CERS1: variants seen among roughly 807,000 people sequenced by gnomAD.
The protein encoded by CERS1 is ceramide synthase 1, also known as Embryonic growth/differentiation factor 1.
In CERS1, 16 loss-of-function variants were observed where a neutral mutation model predicts 35.7. That is an observed-to-expected ratio of 0.45 (90% CI 0.30 to 0.68). The LOEUF (loss-of-function observed/expected upper bound fraction) is 0.68, where lower values mean the gene tolerates loss of function less well. Among genes scored for constraint, CERS1 ranks in the 30% least tolerant of loss-of-function variants. The probability of loss-of-function intolerance (pLI) is 0.08; values close to 1 mark genes in which losing one functional copy is unlikely to be tolerated. For synonymous variants in CERS1, 243 were observed against 201.6 expected, an observed-to-expected ratio of 1.21 and a Z score of -1.74; for missense variants, 454 against 453.9, an observed-to-expected ratio of 1.00 and a Z score of 0.00.
Position 18,869,139 on chromosome 19 carries a change from G to T in CERS1, c.*846C>A. On this transcript the variant is annotated 3_prime_UTR_variant, in exon 8 of 8. Transcript: ENST00000623882. ...GCGCCCAGCAGCTCCGCGCGCACTGGCGGCCCCAGGGCGGGCACCAACTGG... is the reference window on the plus strand; with the variant it reads ...GCGCCCAGCAGCTCCGCGCGCACTGTCGGCCCCAGGGCGGGCACCAACTGG... The T allele has an allele frequency of 9.0e-7, 1 of 1,108,520 alleles. No individual in the cohort carries two copies. Among genetic ancestry groups the T allele is most frequent in the South Asian group, 3.3e-5 (1 of 30,686 alleles). The allele number at this position is 1,108,520 out of a possible 1,614,324, so 68.7% of individuals were successfully genotyped here. A position where few individuals can be genotyped will look rare whatever the true frequency, so the allele number is the denominator to read the frequency against.
chr19:18,880,090 A>C, intron 4 of CERS1, among the ~76,000 whole-genome samples, 184 bp downstream of exon 4: 3 of 136,810 alleles, frequency 2.2e-5, no homozygotes, highest in Non-Finnish European at 3.1e-5. Context: ...CCCTTGTCCT[A>C]CTCCTTTCCT....
chr19:18,894,694 C>T (rs747030345), intron 1 of CERS1, among the ~76,000 whole-genome samples: 1 of 152,128 alleles, frequency 6.6e-6, no homozygotes, highest in Non-Finnish European at 1.5e-5. Flanking sequence ...CCCTGGACAG[C>T]CCTGTCTCCC....
intron 6 of CERS1, among the ~76,000 whole-genome samples, chr19:18,874,786 G>A (rs541613802): frequency 2.6e-5 from 4 of 152,214 alleles, no homozygotes; most frequent in African/African-American, 9.7e-5. Flanking sequence ...CAGATGAGGG[G>A]ACCCTGGAGG....
Position 18,880,416 on chromosome 19 carries a change from G to C in CERS1, c.610C>G (p.Leu204Val), listed in dbSNP as rs866186539. 6 of 1,589,338 alleles carry C rather than the reference G, an allele frequency of 3.8e-6. No individual in the cohort carries two copies. Among genetic ancestry groups the C allele is most frequent in the South Asian group, 1.1e-5 (1 of 87,370 alleles). Residue 204 changes from leucine to valine, a missense_variant, in exon 4 of 8, where the codon CTT becomes GTT. Physicochemically the swap from Leu to Val is conservative, Grantham distance 32. Transcript: ENST00000623882. ...YAFRYHNVGILVLFLHDISDV... is the reference protein window; with the variant it reads ...YAFRYHNVGIVVLFLHDISDV... ...CTGATATCGTGCAGGAAGAGCACAA[G>C]GATGCCCACATTGTGGTACCTGGGG...
intron 2 of CERS1, among the ~76,000 whole-genome samples, chr19:18,885,931 C>T (rs937737424): frequency 1.3e-5 from 2 of 152,298 alleles, no homozygotes; most frequent in Middle Eastern, 3.4e-3. Flanking sequence ...CCCGGGCACA[C>T]CATGCCACCA....
At chr19:18,872,929 C>T (rs1056735873) in intron 6 of CERS1, among the ~76,000 whole-genome samples, 3 of 152,190 alleles carry the variant, frequency 2.0e-5, no homozygotes, top group South Asian at 2.1e-4. Flanking sequence ...GATTTATGGG[C>T]GTGAGCCACC....
intron 2 of CERS1, 101 bp from the exon 3 acceptor site, chr19:18,884,368 A>C: frequency 9.2e-7 from 1 of 1,083,124 alleles, no homozygotes; most frequent in South Asian, 1.6e-5. Context: ...TCCTCCCAGT[A>C]CCCAGGTAAC....
rs1038534561 is a variant in CERS1, at chr19:18,878,233, G to C, written c.1010+697C>G. ...CAAACACTCCTCACGTTGCCTATGA[G>C]ACACTGCACACCCGACTCTGCTTGT... On this transcript the variant is annotated intron_variant, in intron 6 of 7. Transcript: ENST00000623882. This position sits in a 1 kb window ranked among gnomAD's most constrained non-coding sequence, Gnocchi z 4.6. 8.1e-6 allele frequency: 8 copies of C among 985,466 alleles called. No homozygotes were observed. The highest frequency in any genetic ancestry group is 1.7e-5 in the African/African-American group (1 of 57,146). 61.0% of individuals were successfully genotyped at this position (985,466 alleles called of 1,614,324 possible).
At chr19:18,887,161 C>T (rs1015114090) in intron 2 of CERS1, among the ~76,000 whole-genome samples, 2 of 152,242 alleles carry the variant, frequency 1.3e-5, no homozygotes, top group African/African-American at 4.8e-5. Context: ...CAGTGGAATA[C>T]TATGCAGCCA....
intron 2 of CERS1, among the ~76,000 whole-genome samples, chr19:18,890,993 G>C (rs533813283): frequency 6.6e-6 from 1 of 151,880 alleles, no homozygotes; most frequent in African/African-American, 2.4e-5. Context: ...GGGTGGTGGC[G>C]CGTGCCTATA....
In CERS1 at chr19:18,895,032, CTCTCGCAGGGGCGATGG is replaced by C. The variant is rs2056591646; in HGVS notation, c.249+775_249+791del. 6.6e-6 allele frequency among the ~76,000 whole-genome samples: 1 copy of C among 152,226 alleles called. No individual in the cohort carries two copies. The highest frequency in any genetic ancestry group is 2.4e-5 in the African/African-American group (1 of 41,450). ...CGCCAATGTCACCATCATGGTCACTCTCTCGCAGGGGCGATGGTCTCCGCAGAAACTGGGGAATTCTG... is the reference window on the plus strand; with the variant it reads ...CGCCAATGTCACCATCATGGTCACTCTCTCCGCAGAAACTGGGGAATTCTG... On this transcript the variant is annotated intron_variant, in intron 1 of 7. Coordinates refer to ENST00000623882, the MANE Select transcript of CERS1 (RefSeq NM_021267.5). The surrounding 1 kb of genome is among the most constrained non-coding windows in gnomAD (Gnocchi z 6.4).
chr19:18,894,680 G>A (rs2056582402), intron 1 of CERS1, among the ~76,000 whole-genome samples: 1 of 152,132 alleles, frequency 6.6e-6, no homozygotes, highest in South Asian at 2.1e-4. Context: ...GACCCAGGGA[G>A]GGGCCCTGGA....
chr19:18,887,572 C>T (rs184003124), intron 2 of CERS1, among the ~76,000 whole-genome samples: 14 of 152,094 alleles, frequency 9.2e-5, no homozygotes, highest in Non-Finnish European at 2.1e-4. Flanking sequence ...TGGCGAAACC[C>T]TGTCTGTACT....
chr19:18,885,211 A>T (rs538245204), intron 2 of CERS1, among the ~76,000 whole-genome samples: 4 of 152,230 alleles, frequency 2.6e-5, no homozygotes, highest in African/African-American at 9.6e-5. Context: ...AATGTTTTAT[A>T]TATAGTTTTA....
intron 3 of CERS1, among the ~76,000 whole-genome samples, chr19:18,882,523 T>C (rs1341730362): frequency 6.6e-6 from 1 of 151,268 alleles, no homozygotes; most frequent in Admixed American, 6.6e-5. Context: ...TCCCAGCTAC[T>C]TGGGAGGCTG....
Position 18,879,400 on chromosome 19 carries a change from GGA to G in CERS1, c.753-14_753-13del. ...GGCGGAACCAGAACCTGCGGTGGGA[GGA>G]GTCAGGAGGCCGTGGGTGGAGGGGG... On this transcript the variant is annotated splice_polypyrimidine_tract_variant and intron_variant, in intron 4 of 7. Coordinates refer to ENST00000623882, the MANE Select transcript of CERS1 (RefSeq NM_021267.5). 1 of 1,555,004 alleles carries G rather than the reference GGA, an allele frequency of 6.4e-7. No homozygotes were observed. Among genetic ancestry groups the G allele is most frequent in the Non-Finnish European group, 8.7e-7 (1 of 1,149,324 alleles).
At position 18,895,673 on chromosome 19, in the gene CERS1, C is replaced by G; in HGVS notation, c.249+151G>C. Reference sequence around the variant, plus strand: ...CCTGGGGCTCCAACGTCCTGGGCCTCTCCAGCCCGAGGCCCCCACCCACGT... The same window carrying G: ...CCTGGGGCTCCAACGTCCTGGGCCTGTCCAGCCCGAGGCCCCCACCCACGT... On this transcript the variant is annotated intron_variant, in intron 1 of 7. Coordinates refer to ENST00000623882, the MANE Select transcript of CERS1 (RefSeq NM_021267.5). This position sits in a 1 kb window ranked among gnomAD's most constrained non-coding sequence, Gnocchi z 6.4. The G allele has an allele frequency of 6.1e-6, 2 of 329,352 alleles. No individual in the cohort carries two copies. The highest frequency in any genetic ancestry group is 1.2e-4 in the East Asian group (2 of 16,212). The allele number at this position is 329,352 out of a possible 1,614,324, so 20.4% of individuals were successfully genotyped here. A position where few individuals can be genotyped will look rare whatever the true frequency, so the allele number is the denominator to read the frequency against.
At chr19:18,879,176 G>C in intron 5 of CERS1, 65 bp downstream of exon 5, 1 of 1,606,018 alleles carries the variant, frequency 6.2e-7, no homozygotes, top group East Asian at 2.2e-5. Flanking sequence ...GACTGCCTGA[G>C]GAGGGGACAG....
At chr19:18,889,335 A>C (rs554274719) in intron 2 of CERS1, among the ~76,000 whole-genome samples, 43 of 152,150 alleles carry the variant, frequency 2.8e-4, no homozygotes, top group Non-Finnish European at 2.8e-4. Flanking sequence ...CCACCTTTCC[A>C]ACAGAGGCCC....
Sources: gnomAD v4.1 joint callset for allele counts (sites outside exome capture counted in the v4.1 genomes callset) on GRCh38, gnomAD v4.1.1 for gene constraint, Gnocchi (gnomAD v3.1) non-coding constraint, MANE v1.5 for transcripts, NCBI Gene and HGNC (gene_info 2026-07-23, HGNC 2026-07-21) for gene names.